Variants in CHODL observed in about 807,000 individuals in gnomAD.
CHODL encodes the protein chondrolectin.
Under a neutral mutation model 34.5 loss-of-function variants are expected in CHODL, and 29 were observed. That is an observed-to-expected ratio of 0.84 (90% CI 0.63 to 1.15). The LOEUF (loss-of-function observed/expected upper bound fraction) is 1.15. Ranked by LOEUF, CHODL falls within the 50% of genes most tolerant of loss-of-function variation. The pLI is 0.00. For synonymous variants in CHODL, 125 were observed against 116.1 expected (o/e 1.08, Z -0.49); for missense variants, 332 against 332.5 (o/e 1.00, Z 0.01).
chr21:17,954,766 C>T (rs1410158366), intron 1 of CHODL, among the ~76,000 whole-genome samples: 1 of 133,010 alleles, frequency 7.5e-6, no homozygotes, highest in African/African-American at 2.6e-5. Context: ...CATGTTACAG[C>T]TCAGCCTCCA....
chr21:18,133,521 TG>T (rs372718898), intron 2 of CHODL, among the ~76,000 whole-genome samples: 447 of 152,310 alleles, frequency 2.9e-3, no homozygotes, highest in African/African-American at 9.8e-3. Context: ...CTGCATATCT[TG>T]TATCCACTTT....
intron 1 of CHODL, among the ~76,000 whole-genome samples, chr21:17,967,975 T>C (rs1221274595): frequency 1.3e-5 from 2 of 152,204 alleles, no homozygotes; most frequent in Non-Finnish European, 2.9e-5. Flanking sequence ...AGTGGAACAA[T>C]GGTCTCTATT....
At chr21:18,115,388 G>T (rs144878109) in intron 2 of CHODL, among the ~76,000 whole-genome samples, 13 of 152,226 alleles carry the variant, frequency 8.5e-5, no homozygotes, top group Non-Finnish European at 1.9e-4. Flanking sequence ...TGCTTACCAG[G>T]ACTTGCATCC....
intron 1 of CHODL, among the ~76,000 whole-genome samples, chr21:17,958,839 A>G (rs900879012): frequency 6.6e-6 from 1 of 152,066 alleles, no homozygotes; most frequent in Non-Finnish European, 1.5e-5. Flanking sequence ...TTCAATGCAA[A>G]CTTGATGGCC....
intron 2 of CHODL, among the ~76,000 whole-genome samples, chr21:18,144,781 A>G (rs1419488932): frequency 6.6e-6 from 1 of 151,662 alleles, no homozygotes; most frequent in Admixed American, 6.6e-5. Context: ...GTATCATTGA[A>G]TTCAGGAGGG....
chr21:18,008,308 TTGTTTGTGTG>T (rs1256594557), intron 1 of CHODL, among the ~76,000 whole-genome samples: 1 of 88,454 alleles, frequency 1.1e-5, no homozygotes, highest in Admixed American at 1.0e-4. Context: ...AAAAATTTCT[TTGTTTGTGTG>T]TGTGTGTGTG....
chr21:18,109,063 G>A (rs1004549982), intron 2 of CHODL, among the ~76,000 whole-genome samples: 7 of 151,754 alleles, frequency 4.6e-5, no homozygotes, highest in African/African-American at 9.7e-5. Flanking sequence ...AAGGATAAAC[G>A]TATTTTCAGC....
intron 2 of CHODL, among the ~76,000 whole-genome samples, chr21:18,138,926 G>C (rs1428376519): frequency 6.6e-6 from 1 of 152,084 alleles, no homozygotes; most frequent in Non-Finnish European, 1.5e-5. Flanking sequence ...CTCAGTTGTA[G>C]ATACAGGCAT....
chr21:18,136,653 A>G (rs554248868), intron 2 of CHODL, among the ~76,000 whole-genome samples: 1 of 150,098 alleles, frequency 6.7e-6, no homozygotes, highest in Admixed American at 6.7e-5. Context: ...GTTGGGGCCA[A>G]AAGAATCTTA....
chr21:18,218,358 C>T (rs1348497151), intron 2 of CHODL, among the ~76,000 whole-genome samples: 1 of 152,234 alleles, frequency 6.6e-6, no homozygotes, highest in African/African-American at 2.4e-5. Context: ...GGCTTGCACC[C>T]TCTGAAGCCA....
At chr21:18,158,833 C>T (rs1447053440) in intron 2 of CHODL, among the ~76,000 whole-genome samples, 10 of 95,376 alleles carry the variant, frequency 1.0e-4, no homozygotes, top group Admixed American at 3.8e-4. Flanking sequence ...AGTGAAACTC[C>T]GTCTTAAAAA....
In CHODL at chr21:18,116,008, TTTC is replaced by T. The variant is rs529171576; in HGVS notation, c.-45+88040_-45+88042del. On this transcript the variant is annotated intron_variant, in intron 2 of 6. Transcript: ENST00000400127. The stretch of plus-strand genomic sequence containing the variant: ...TGTTGAACTGCTTTTTTACTTTAGA[TTTC>T]TTAATACATTTCCTACTTTTCTCCT... Among the ~76,000 whole-genome samples the T allele has an allele frequency of 4.2e-3, 639 of 152,324 alleles. 4 individuals are homozygous for T. Among genetic ancestry groups the T allele is most frequent in the Non-Finnish European group, 8.1e-3 (551 of 68,040 alleles).
At chr21:17,936,188 AG>A (rs1272985568) in intron 1 of CHODL, among the ~76,000 whole-genome samples, 5 of 152,218 alleles carry the variant, frequency 3.3e-5, no homozygotes, top group Non-Finnish European at 2.9e-5. Context: ...TCAGTATCCC[AG>A]GCATAAAGGG....
intron 2 of CHODL, among the ~76,000 whole-genome samples, chr21:18,162,435 CTT>C (rs369601655): frequency 2.3e-4 from 30 of 131,926 alleles, no homozygotes; most frequent in Non-Finnish European, 4.9e-4. Context: ...CTCTCTCTCT[CTT>C]TCTCTTTCTC....
At chr21:18,239,826 A>T (rs2074064647) in intron 2 of CHODL, among the ~76,000 whole-genome samples, 1 of 152,074 alleles carries the variant, frequency 6.6e-6, no homozygotes, top group Admixed American at 6.6e-5. Flanking sequence ...AGGACCATAG[A>T]AAATTTTCAG....
intron 2 of CHODL, among the ~76,000 whole-genome samples, chr21:18,149,154 G>A (rs1164971321): frequency 6.6e-6 from 1 of 152,092 alleles, no homozygotes; most frequent in Admixed American, 6.5e-5. Context: ...ACATTTGAAG[G>A]GAAAAACAAA....
At chr21:18,004,759 T>C (rs1049261775) in intron 1 of CHODL, among the ~76,000 whole-genome samples, 1 of 152,178 alleles carries the variant, frequency 6.6e-6, no homozygotes, top group African/African-American at 2.4e-5. Flanking sequence ...GTCTTATGTA[T>C]TTTAAATATG....
chr21:18,207,658 G>GC (rs1491561159), intron 2 of CHODL, among the ~76,000 whole-genome samples: 7 of 36,876 alleles, frequency 1.9e-4, no homozygotes, highest in East Asian at 8.1e-4. Flanking sequence ...AAATCTCTCA[G>GC]CTTTTTTTTT....
intron 2 of CHODL, among the ~76,000 whole-genome samples, chr21:18,208,010 G>C (rs2073732045): frequency 6.6e-6 from 1 of 151,820 alleles, no homozygotes; most frequent in Non-Finnish European, 1.5e-5. Flanking sequence ...CTCTAGGTTT[G>C]GGAAGTTCTG....
Sources: allele counts gnomAD v4.1 joint callset (sites outside exome capture counted in the v4.1 genomes callset), GRCh38; gene constraint gnomAD v4.1.1; transcripts MANE v1.5; gene names NCBI Gene and HGNC (gene_info 2026-07-23, HGNC 2026-07-21).